FAM217B: variants seen among roughly 807,000 people sequenced by gnomAD.
FAM217B encodes protein FAM217B.
For missense variants in FAM217B, 463 were observed against 456.9 expected (o/e 1.01, Z -0.12); for synonymous variants, 163 against 173.0 (o/e 0.94, Z 0.45).
chr20:59,939,748 G>A, upstream of FAM217B: 2 of 1,227,222 alleles, frequency 1.6e-6, no homozygotes, highest in Non-Finnish European at 2.0e-6. Context: ...CGCAGGCGGG[G>A]GTCGCAGCCC....
chr20:59,938,923 G>T, upstream of FAM217B: 1 of 1,115,486 alleles, frequency 9.0e-7, no homozygotes, highest in Non-Finnish European at 1.2e-6. Context: ...TAGGTCAGAG[G>T]ACTTGGAGGG....
upstream of FAM217B, chr20:59,940,149 G>A: frequency 2.5e-6 from 1 of 406,446 alleles, no homozygotes; most frequent in East Asian, 3.7e-5. Context: ...TTGTAAGAGT[G>A]GGGAGTTTTT....
upstream of FAM217B, chr20:59,940,215 C>T: frequency 3.2e-6 from 1 of 314,240 alleles, no homozygotes. Context: ...CCTCTTTTTT[C>T]TTCTTGCTTC....
intron 1 of FAM217B, among the ~76,000 whole-genome samples, chr20:59,941,084 T>C (rs770085112): frequency 1.3e-5 from 2 of 152,202 alleles, no homozygotes; most frequent in African/African-American, 4.8e-5. Flanking sequence ...TCTGCCTATT[T>C]AGAACCCTGC....
chr20:59,944,369 T>C lies in FAM217B; in HGVS notation c.426T>C (p.Tyr142=). The change falls in exon 4 of 4, where the codon TAT becomes TAC. Residue 142 remains tyrosine, a synonymous_variant. Coordinates refer to ENST00000360816, the MANE Select transcript of FAM217B (RefSeq NM_022106.3). Reference sequence around the variant, plus strand: ...GCCATACAAAACCTGAATACTATTATCCTAATTTCCTTCCATCCCCTTTCA... The same window carrying C: ...GCCATACAAAACCTGAATACTATTACCCTAATTTCCTTCCATCCCCTTTCA... ...GQGHTKPEYY[Y]PNFLPSPFSS... is the part of the protein sequence containing the mutation. 1 of 1,614,008 alleles carries C rather than the reference T, an allele frequency of 6.2e-7. No individual in the cohort carries two copies. Among genetic ancestry groups the C allele is most frequent in the Non-Finnish European group, 8.5e-7 (1 of 1,180,000 alleles).
At chr20:59,940,207 T>C (rs1227588832), upstream of FAM217B, 3 of 327,798 alleles carry the variant, frequency 9.2e-6, no homozygotes, top group African/African-American at 2.2e-5. Context: ...GGGTAGCGCC[T>C]CTTTTTTCTT....
At chr20:59,935,124 A>T (rs1243552512) in intron 1 of FAM217B, among the ~76,000 whole-genome samples, 6 of 152,238 alleles carry the variant, frequency 3.9e-5, no homozygotes, top group African/African-American at 1.2e-4. Context: ...AAATGTAAGA[A>T]GATCGAAGAG....
rs1722124320 is a variant in FAM217B, at chr20:59,945,284, C to G, written c.*189C>G. ...TCAAAGGGAAGTGTCTTTCAATAAG[C>G]CTTTCTTTGTATTGTCAGTCTTAGG... On this transcript the variant is annotated 3_prime_UTR_variant, in exon 4 of 4. Coordinates refer to ENST00000360816, the MANE Select transcript of FAM217B (RefSeq NM_022106.3). 5 of 540,740 alleles carry G rather than the reference C, an allele frequency of 9.2e-6. No homozygotes were observed. In the Admixed American group the frequency reaches 1.9e-4, roughly 20 times the overall value. The allele number at this position is 540,740 out of a possible 1,614,324, so 33.5% of individuals were successfully genotyped here.
In FAM217B at chr20:59,944,913, C is replaced by G. The variant is rs760895424; in HGVS notation, c.970C>G (p.Arg324Gly). The G allele has an allele frequency of 1.9e-6, 3 of 1,614,152 alleles. No individual in the cohort carries two copies. Among genetic ancestry groups the G allele is most frequent in the South Asian group, 1.1e-5 (1 of 91,078 alleles). ...SSKVETSGHI[R>G]VPKQAAVILD... ...TAAGGTGGAAACCAGCGGTCACATT[C>G]GAGTTCCCAAACAGGCAGCTGTGAT... Residue 324 changes from arginine to glycine, a missense_variant, in exon 4 of 4, where the codon CGA becomes GGA. Coordinates refer to ENST00000360816, the MANE Select transcript of FAM217B (RefSeq NM_022106.3).
chr20:59,941,810 C>T (rs62205074), intron 1 of FAM217B, among the ~76,000 whole-genome samples: 8,875 of 152,204 alleles, frequency 0.058, 396 homozygotes, highest in Non-Finnish European at 0.087. Flanking sequence ...AATGATTGGG[C>T]AATGCAATGA....
intron 3 of FAM217B, among the ~76,000 whole-genome samples, 152 bp downstream of exon 3, chr20:59,942,664 T>C (rs565945435): frequency 3.3e-4 from 50 of 152,308 alleles, no homozygotes; most frequent in African/African-American, 1.2e-3. Context: ...AGAAAAGTGG[T>C]TTAAGCATAA....
In FAM217B at chr20:59,945,149, T is replaced by G; in HGVS notation, c.*54T>G. On this transcript the variant is annotated 3_prime_UTR_variant, in exon 4 of 4. Coordinates refer to ENST00000360816, the MANE Select transcript of FAM217B (RefSeq NM_022106.3). ...TGCAGGTACCTCAATGTTAGAGCGCTTCCAAAAGTCAAAATACTGTGAATT... is the reference window on the plus strand; with the variant it reads ...TGCAGGTACCTCAATGTTAGAGCGCGTCCAAAAGTCAAAATACTGTGAATT... The G allele has an allele frequency of 3.7e-6, 5 of 1,368,760 alleles. No homozygotes were observed. The highest frequency in any genetic ancestry group is 4.9e-6 in the Non-Finnish European group (5 of 1,021,468). 84.8% of individuals were successfully genotyped at this position (1,368,760 alleles called of 1,614,324 possible).
chr20:59,944,382 C>T lies in FAM217B; in HGVS notation c.439C>T (p.Pro147Ser). The change falls in exon 4 of 4, where the codon CCA becomes TCA. Residue 147 changes from proline to serine, a missense_variant. Pro to Ser is a moderately conservative substitution (Grantham distance 74). Coordinates refer to ENST00000360816, the MANE Select transcript of FAM217B (RefSeq NM_022106.3). ...TGAATACTATTATCCTAATTTCCTT[C>T]CATCCCCTTTCAGCTCCTGGGACCT... ...KPEYYYPNFL[P>S]SPFSSWDLRD... The T allele has an allele frequency of 6.2e-7, 1 of 1,614,100 alleles. No homozygotes were observed. The highest frequency in any genetic ancestry group is 8.5e-7 in the Non-Finnish European group (1 of 1,180,016).
At chr20:59,939,224 G>A (rs1405825788), upstream of FAM217B, 4 of 1,610,996 alleles carry the variant, frequency 2.5e-6, no homozygotes, top group East Asian at 2.2e-5. Flanking sequence ...AGCCGAAGGT[G>A]AAAACGTCCT....
At position 59,944,440 on chromosome 20, in the gene FAM217B, A is replaced by G; in HGVS notation, c.497A>G (p.Asn166Ser). 1.2e-6 allele frequency: 2 copies of G among 1,613,984 alleles called. No homozygotes were observed. Among genetic ancestry groups the G allele is most frequent in the Non-Finnish European group, 1.7e-6 (2 of 1,179,974 alleles). ...RDMALLLNAE[N>S]KTEAVPRVGG... ...ATGGCCCTGCTTCTGAACGCAGAGAACAAAACGGAAGCCGTGCCCCGAGTG... is the reference window on the plus strand; with the variant it reads ...ATGGCCCTGCTTCTGAACGCAGAGAGCAAAACGGAAGCCGTGCCCCGAGTG... Residue 166 changes from asparagine to serine, a missense_variant, in exon 4 of 4, where the codon AAC becomes AGC. Transcript: ENST00000360816.
At position 59,935,195 on chromosome 20, in the gene FAM217B, A is replaced by G. The variant is rs565694217; in HGVS notation, c.-326+1342A>G. Reference sequence around the variant, plus strand: ...TATTTTCATACCTAGTTTTCCGCCAATAGATCTAAGATCCTTCATGGTGGA... The same window carrying G: ...TATTTTCATACCTAGTTTTCCGCCAGTAGATCTAAGATCCTTCATGGTGGA... On this transcript the variant is annotated intron_variant, in intron 1 of 4. Transcript: ENST00000358293. Among the ~76,000 whole-genome samples the G allele has an allele frequency of 9.2e-5, 14 of 152,342 alleles. No individual in the cohort carries two copies. The South Asian group carries it at 1.2e-3, about 14-fold the overall frequency.
intron 1 of FAM217B, among the ~76,000 whole-genome samples, chr20:59,941,077 G>A (rs999268212): frequency 2.6e-5 from 4 of 152,186 alleles, no homozygotes; most frequent in African/African-American, 7.2e-5. Context: ...CTTGTTTTCT[G>A]CCTATTTAGA....
Position 59,944,725 on chromosome 20 carries a change from A to C in FAM217B, c.782A>C (p.His261Pro). The C allele has an allele frequency of 6.2e-7, 1 of 1,614,194 alleles. No individual in the cohort carries two copies. Among genetic ancestry groups the C allele is most frequent in the Non-Finnish European group, 8.5e-7 (1 of 1,180,024 alleles). ...AFHHEEIHPS[H>P]YAFETSPRPI... ...CACCATGAAGAAATCCACCCATCAC[A>C]TTATGCATTTGAGACTTCCCCTAGA... The change falls in exon 4 of 4, where the codon CAT (histidine) becomes CCT (proline). Residue 261 changes from histidine (H) to proline (P), a missense_variant. Physicochemically the swap from His to Pro is moderately conservative, Grantham distance 77. Transcript: ENST00000360816.
intron 3 of FAM217B, among the ~76,000 whole-genome samples, chr20:59,943,137 G>A (rs2060914586): frequency 6.6e-6 from 1 of 152,104 alleles, no homozygotes; most frequent in Admixed American, 6.6e-5. Context: ...ATTGAAAAGA[G>A]GATATTTTCA....
Sources: gnomAD v4.1 joint callset for allele counts (sites outside exome capture counted in the v4.1 genomes callset) on GRCh38, gnomAD v4.1.1 for gene constraint, MANE v1.5 for transcripts, NCBI Gene and HGNC (gene_info 2026-07-23, HGNC 2026-07-21) for gene names.